Variants in ITGAV observed in about 807,000 individuals in gnomAD.
The protein encoded by ITGAV is integrin subunit alpha V, also known as integrin alpha-V.
Under a neutral mutation model 143.8 loss-of-function variants are expected in ITGAV, and 76 were observed. The ratio of observed to expected loss-of-function variants is 0.53; its 90% CI spans 0.44 to 0.64. The LOEUF (loss-of-function observed/expected upper bound fraction) is 0.64, where lower values mean the gene tolerates loss of function less well. Among genes scored for constraint, ITGAV ranks in the 30% least tolerant of loss-of-function variants. ITGAV has a pLI of 0.00. For missense variants in ITGAV, 1,193 were observed against 1,274.7 expected (o/e 0.94, Z 0.98); for synonymous variants, 453 against 446.7 (o/e 1.01, Z -0.18).
chr2:186,592,817 G>C (rs1686650635), intron 1 of ITGAV, among the ~76,000 whole-genome samples: 1 of 152,160 alleles, frequency 6.6e-6, no homozygotes, highest in Non-Finnish European at 1.5e-5. Context: ...ATAGACTACA[G>C]AGCTCTAGGT....
chr2:186,612,332 C>G (rs1687238658), intron 2 of ITGAV, among the ~76,000 whole-genome samples: 1 of 151,270 alleles, frequency 6.6e-6, no homozygotes, highest in Non-Finnish European at 1.5e-5. Flanking sequence ...CTACGAAAGT[C>G]TCTTTGCTTA....
chr2:186,633,503 C>A, intron 6 of ITGAV, 129 bp downstream of exon 6: 2 of 399,808 alleles, frequency 5.0e-6, no homozygotes, highest in East Asian at 3.9e-5. Flanking sequence ...AGTATATAAA[C>A]ACTCCATTTT....
intron 2 of ITGAV, among the ~76,000 whole-genome samples, chr2:186,616,669 C>T (rs1464366455): frequency 6.6e-6 from 1 of 152,046 alleles, no homozygotes; most frequent in African/African-American, 2.4e-5. Flanking sequence ...CTCAAATTTC[C>T]CTTATAGTAT....
At chr2:186,620,865 C>T (rs1327907173) in intron 2 of ITGAV, among the ~76,000 whole-genome samples, 2 of 151,930 alleles carry the variant, frequency 1.3e-5, no homozygotes, top group African/African-American at 4.8e-5. Context: ...TTATAAGTGC[C>T]ATATTAAGGG....
chr2:186,626,397 A>G (rs573934255), intron 4 of ITGAV, among the ~76,000 whole-genome samples: 2 of 152,328 alleles, frequency 1.3e-5, no homozygotes, highest in South Asian at 4.1e-4. Context: ...TCCTTGTACC[A>G]GAAGCATAAA....
At chr2:186,593,186 T>A (rs2105643014) in intron 1 of ITGAV, among the ~76,000 whole-genome samples, 1 of 152,330 alleles carries the variant, frequency 6.6e-6, no homozygotes, top group Admixed American at 6.5e-5. Flanking sequence ...CTCCTGTTGC[T>A]TTTTCCAGTT....
rs778157839 is a variant in ITGAV at position 186,676,808 on chromosome 2, G to A, written c.2929-5G>A. 2.4e-5 allele frequency: 38 copies of A among 1,608,874 alleles called. No homozygotes were observed. In the East Asian group the frequency reaches 6.2e-4, roughly 26 times the overall value. On this transcript the variant is annotated splice_polypyrimidine_tract_variant and splice_region_variant and intron_variant, in intron 28 of 29. Coordinates refer to ENST00000261023, the MANE Select transcript of ITGAV (RefSeq NM_002210.5). ...TTTAAAACTAAAAGCTTTTTTCCTC[G>A]ATAGGTTACCACTAATGTCACCTGG...
intron 10 of ITGAV, among the ~76,000 whole-genome samples, chr2:186,639,782 C>T (rs890075646): frequency 6.6e-6 from 1 of 152,094 alleles, no homozygotes; most frequent in Non-Finnish European, 1.5e-5. Context: ...AGAAAACATT[C>T]GAATCATAGT....
chr2:186,646,939 G>C, intron 13 of ITGAV, 62 bp downstream of exon 13: 1 of 1,057,842 alleles, frequency 9.5e-7, no homozygotes, highest in Non-Finnish European at 1.3e-6. Flanking sequence ...AATAGTATTA[G>C]TTACTGTTCT....
chr2:186,668,882 T>G lies in ITGAV; in HGVS notation c.2554T>G (p.Cys852Gly). The G allele has an allele frequency of 6.2e-7, 1 of 1,612,676 alleles. No individual in the cohort carries two copies. Reference sequence around the variant, plus strand: ...TTATGATATTGATGGACCAATGAACTGCACTTCAGATATGGAGATCAACCC... The same window carrying G: ...TTATGATATTGATGGACCAATGAACGGCACTTCAGATATGGAGATCAACCC... Reference protein sequence around the residue: ...LHYDIDGPMNCTSDMEINPLR... With the variant: ...LHYDIDGPMNGTSDMEINPLR... The change falls in exon 25 of 30, where the codon TGC becomes GGC. Residue 852 changes from cysteine to glycine, a missense_variant. Transcript: ENST00000261023.
At chr2:186,650,610 A>G (rs1261269437) in intron 14 of ITGAV, among the ~76,000 whole-genome samples, 6 of 151,898 alleles carry the variant, frequency 4.0e-5, no homozygotes, top group Non-Finnish European at 1.5e-5. Flanking sequence ...CAGTGGTGCA[A>G]TCTTGGCTCA....
intron 16 of ITGAV, among the ~76,000 whole-genome samples, chr2:186,655,716 C>G (rs1018470875): frequency 6.6e-6 from 1 of 152,208 alleles, no homozygotes; most frequent in Non-Finnish European, 1.5e-5. Context: ...GCATTTAACT[C>G]TGTTTGATCA....
intron 3 of ITGAV, 148 bp from the exon 4 acceptor site, chr2:186,625,325 T>TCG: frequency 3.3e-6 from 2 of 597,498 alleles, no homozygotes; most frequent in Non-Finnish European, 6.0e-6. Flanking sequence ...TGAGCCATGA[T>TCG]CACGTCACTG....
chr2:186,615,475 C>CT (rs1186798023), intron 2 of ITGAV, among the ~76,000 whole-genome samples: 1 of 151,998 alleles, frequency 6.6e-6, no homozygotes, highest in Admixed American at 6.5e-5. Flanking sequence ...CATATTCTGT[C>CT]TTTTTTATAT....
intron 1 of ITGAV, 26 bp downstream of exon 1, chr2:186,590,549 G>T (rs1025065802): frequency 2.5e-6 from 4 of 1,597,586 alleles, no homozygotes; most frequent in Non-Finnish European, 3.4e-6. Flanking sequence ...TGGAACTGGA[G>T]CCGGCCCCCT....
At chr2:186,646,092 G>A (rs2105718297) in intron 12 of ITGAV, among the ~76,000 whole-genome samples, 1 of 152,280 alleles carries the variant, frequency 6.6e-6, no homozygotes, top group African/African-American at 2.4e-5. Flanking sequence ...ACATTTTAGA[G>A]GTAGAAAAGA....
chr2:186,646,345 G>A (rs16828148), intron 12 of ITGAV, among the ~76,000 whole-genome samples: 28,475 of 152,054 alleles, frequency 0.19, 2,797 homozygotes, highest in Non-Finnish European at 0.22. Context: ...TAATGAGGAA[G>A]CATTTGTGGT....
At chr2:186,636,957 A>T in intron 7 of ITGAV, 108 bp from the exon 8 acceptor site, 1 of 868,980 alleles carries the variant, frequency 1.2e-6, no homozygotes, top group Non-Finnish European at 1.9e-6. Context: ...AAAATATTGC[A>T]TAAGTAAAGG....
In ITGAV at chr2:186,668,877, T is replaced by G; in HGVS notation, c.2549T>G (p.Met850Arg). The G allele has an allele frequency of 6.2e-7, 1 of 1,613,094 alleles. No individual in the cohort carries two copies. ...YILHYDIDGP[M>R]NCTSDMEINP... The stretch of plus-strand genomic sequence containing the variant: ...CTTCATTATGATATTGATGGACCAA[T>G]GAACTGCACTTCAGATATGGAGATC... Residue 850 changes from methionine to arginine, a missense_variant, in exon 25 of 30, where the codon ATG becomes AGG. Coordinates refer to ENST00000261023, the MANE Select transcript of ITGAV (RefSeq NM_002210.5).
Sources: allele counts gnomAD v4.1 joint callset (sites outside exome capture counted in the v4.1 genomes callset), GRCh38; gene constraint gnomAD v4.1.1; transcripts MANE v1.5; gene names NCBI Gene and HGNC (gene_info 2026-07-23, HGNC 2026-07-21).